ULK4: variants seen among roughly 807,000 people sequenced by gnomAD.
ULK4 encodes unc-51 like kinase 4, also known as inactive serine/threonine-protein kinase ULK4.
ULK4 carries 133 observed loss-of-function variants against 160.6 expected under a neutral mutation model. The observed-to-expected ratio is 0.83, with a 90% CI of 0.72 to 0.96. The LOEUF is 0.96. ULK4 is among the 40% of genes least tolerant of loss of function. The probability of loss-of-function intolerance (pLI) is 0.00; values close to 1 mark genes in which losing one functional copy is unlikely to be tolerated. For synonymous variants in ULK4, 534 were observed against 539.8 expected (o/e 0.99, Z 0.15); for missense variants, 1,580 against 1,499.5 (o/e 1.05, Z -0.89).
At chr3:41,935,175 C>T (rs923430241) in intron 4 of ULK4, among the ~76,000 whole-genome samples, 3 of 148,242 alleles carry the variant, frequency 2.0e-5, no homozygotes, top group Admixed American at 6.7e-5. Context: ...CACCACCATG[C>T]CCAGCTATTT....
intron 33 of ULK4, among the ~76,000 whole-genome samples, chr3:41,459,251 G>A (rs9861973): frequency 0.017 from 2,514 of 152,020 alleles, 66 homozygotes; most frequent in African/African-American, 0.057. Context: ...TTTTAGTAGA[G>A]ACAAGATTTC....
At chr3:41,846,806 C>CTCAAAA (rs1553672227) in intron 17 of ULK4, among the ~76,000 whole-genome samples, 2 of 99,032 alleles carry the variant, frequency 2.0e-5, no homozygotes, top group African/African-American at 6.0e-5. Flanking sequence ...CTCTCTCTCT[C>CTCAAAA]AAAAAAAAAA....
intron 30 of ULK4, among the ~76,000 whole-genome samples, chr3:41,658,117 T>A (rs1559466510): frequency 2.6e-5 from 4 of 152,150 alleles, no homozygotes; most frequent in East Asian, 3.9e-4. Context: ...ATGGCAAAGA[T>A]CACATATACA....
At chr3:41,954,176 TA>T (rs11325222) in intron 2 of ULK4, among the ~76,000 whole-genome samples, 22,975 of 118,504 alleles carry the variant, frequency 0.19, 2,045 homozygotes, top group Middle Eastern at 0.34. Flanking sequence ...GACTCCGTCT[TA>T]AAAAAAAAAA....
At chr3:41,953,257 T>C (rs1245687081) in intron 2 of ULK4, among the ~76,000 whole-genome samples, 1 of 134,306 alleles carries the variant, frequency 7.4e-6, no homozygotes, top group South Asian at 2.5e-4. Flanking sequence ...TACACATACA[T>C]ATATATACAC....
At chr3:41,557,561 T>G (rs1316899504) in intron 32 of ULK4, among the ~76,000 whole-genome samples, 1 of 150,586 alleles carries the variant, frequency 6.6e-6, no homozygotes, top group Admixed American at 6.6e-5. Context: ...AGGCCAGGAG[T>G]TTGAGACCAC....
At chr3:41,681,941 T>A in intron 27 of ULK4, 137 bp from the exon 28 acceptor site, 3 of 844,146 alleles carry the variant, frequency 3.6e-6, no homozygotes, top group Non-Finnish European at 5.6e-6. Context: ...ATCCTGGATT[T>A]AAACTCTCCA....
At chr3:41,462,077 T>C (rs998227569) in intron 33 of ULK4, among the ~76,000 whole-genome samples, 7 of 152,210 alleles carry the variant, frequency 4.6e-5, no homozygotes, top group Non-Finnish European at 1.0e-4. Flanking sequence ...ACAGTTTGGG[T>C]TTAATACTTA....
intron 32 of ULK4, among the ~76,000 whole-genome samples, chr3:41,519,187 T>A (rs951454721): frequency 1.3e-5 from 2 of 152,314 alleles, no homozygotes; most frequent in African/African-American, 4.8e-5. Flanking sequence ...CTTTCTTACG[T>A]TGAACACAAA....
intron 35 of ULK4, among the ~76,000 whole-genome samples, chr3:41,272,516 T>C (rs895205955): frequency 1.3e-5 from 2 of 152,050 alleles, no homozygotes; most frequent in Non-Finnish European, 2.9e-5. Context: ...CCTTTTCCAC[T>C]GGCTGCTTTA....
chr3:41,762,022 T>C (rs567884364), intron 21 of ULK4, among the ~76,000 whole-genome samples: 7 of 152,144 alleles, frequency 4.6e-5, no homozygotes, highest in Non-Finnish European at 8.8e-5. Flanking sequence ...AGGTCGAGGC[T>C]ACAGTGAGCT....
At chr3:41,621,063 TGA>T (rs2033222006) in intron 30 of ULK4, among the ~76,000 whole-genome samples, 1 of 152,098 alleles carries the variant, frequency 6.6e-6, no homozygotes, top group African/African-American at 2.4e-5. Flanking sequence ...ACAAGGGATG[TGA>T]AGGACCTCTT....
At chr3:41,546,869 G>C (rs1437703945) in intron 32 of ULK4, among the ~76,000 whole-genome samples, 2 of 149,914 alleles carry the variant, frequency 1.3e-5, no homozygotes. Flanking sequence ...TATGTTAAAA[G>C]ATGTTTTCCT....
chr3:41,316,933 TG>T (rs2125725917), intron 35 of ULK4, among the ~76,000 whole-genome samples: 1 of 152,272 alleles, frequency 6.6e-6, no homozygotes, highest in South Asian at 2.1e-4. Flanking sequence ...TCTAGACTTT[TG>T]CTCTCTATTC....
intron 20 of ULK4, among the ~76,000 whole-genome samples, chr3:41,792,864 T>G (rs2040191227): frequency 2.0e-5 from 3 of 152,164 alleles, no homozygotes; most frequent in African/African-American, 7.2e-5. Context: ...GATGTGGTTT[T>G]TAAACATTTA....
intron 32 of ULK4, among the ~76,000 whole-genome samples, chr3:41,539,001 T>C (rs1355574911): frequency 1.1e-4 from 17 of 151,092 alleles, no homozygotes; most frequent in Admixed American, 2.6e-4. Context: ...AGTATGGACA[T>C]ATATTTTATG....
At chr3:41,388,216 G>A (rs984032802) in intron 35 of ULK4, among the ~76,000 whole-genome samples, 2 of 152,006 alleles carry the variant, frequency 1.3e-5, no homozygotes, top group Non-Finnish European at 2.9e-5. Context: ...CTTGTTGATG[G>A]GGTTGTTCAC....
At position 41,601,556 on chromosome 3, in the gene ULK4, T is replaced by G. The variant is rs187666960; in HGVS notation, c.3120+14113A>C. Among the ~76,000 whole-genome samples the G allele has an allele frequency of 2.0e-5, 3 of 152,222 alleles. No individual in the cohort carries two copies. The East Asian group carries it at 5.8e-4, about 29-fold the overall frequency. ...GGACTAATTTTACAGTAGAGAAATC[T>G]GAAAAACCTCAGCCACAGAATCAAG... On this transcript the variant is annotated intron_variant, in intron 31 of 36. Transcript: ENST00000301831.
chr3:41,376,082 G>A lies in ULK4; in HGVS notation c.3678+21997C>T, dbSNP rs1447423971. ...GAAATGCAAATCAAAACCACAATGA[G>A]ATACCATCTCAAGCCAGTTAGAATG... On this transcript the variant is annotated intron_variant, in intron 35 of 36. Transcript: ENST00000301831. Among the ~76,000 whole-genome samples, 2 of 150,380 alleles carry A rather than the reference G, an allele frequency of 1.3e-5. 1 individual carries two copies. The highest frequency in any genetic ancestry group is 5.0e-5 in the African/African-American group (2 of 40,332).
Sources: allele counts gnomAD v4.1 joint callset (sites outside exome capture counted in the v4.1 genomes callset), GRCh38; gene constraint gnomAD v4.1.1; transcripts MANE v1.5; gene names NCBI Gene and HGNC (gene_info 2026-07-23, HGNC 2026-07-21).